WWOX: variants seen among roughly 807,000 people sequenced by gnomAD.
The protein encoded by WWOX is WW domain-containing oxidoreductase.
WWOX carries 69 observed loss-of-function variants against 46.2 expected under a neutral mutation model. The ratio of observed to expected loss-of-function variants is 1.49; its 90% CI spans 1.23 to 1.82. WWOX has a LOEUF of 1.82. Ranked by LOEUF, WWOX falls within the 40% of genes most tolerant of loss-of-function variation. The pLI is 0.00. For missense variants in WWOX, 919 were observed against 542.6 expected (o/e 1.69, Z -6.89); for synonymous variants, 359 against 202.6 (o/e 1.77, Z -6.56).
At chr16:78,887,807 T>C (rs1158037095) in intron 8 of WWOX, among the ~76,000 whole-genome samples, 1 of 152,234 alleles carries the variant, frequency 6.6e-6, no homozygotes, top group Non-Finnish European at 1.5e-5. Flanking sequence ...TTAAGAGTTT[T>C]GCTGAGTGAG....
chr16:78,986,021 A>G (rs534602168), intron 8 of WWOX, among the ~76,000 whole-genome samples: 25 of 152,332 alleles, frequency 1.6e-4, no homozygotes, highest in Non-Finnish European at 3.1e-4. Context: ...GAGGAGGGGC[A>G]TCCCAGGGTC....
At chr16:78,505,998 A>C (rs2085193750) in intron 8 of WWOX, among the ~76,000 whole-genome samples, 1 of 152,194 alleles carries the variant, frequency 6.6e-6, no homozygotes, top group Non-Finnish European at 1.5e-5. Context: ...GCAAGAAGAC[A>C]CACCATTCCC....
chr16:78,896,764 T>C (rs892402414), intron 8 of WWOX: 6 of 152,126 alleles, frequency 3.9e-5, no homozygotes, highest in Admixed American at 3.9e-4. Flanking sequence ...AGTGTGTGTG[T>C]GTGTGAGAGA....
intron 8 of WWOX, among the ~76,000 whole-genome samples, chr16:78,567,353 G>T (rs1456011132): frequency 6.6e-6 from 1 of 151,506 alleles, no homozygotes; most frequent in African/African-American, 2.4e-5. Flanking sequence ...AGACCATCCT[G>T]GTTAACACCG....
At chr16:79,152,633 T>C (rs886188703) in intron 8 of WWOX, among the ~76,000 whole-genome samples, 2 of 150,528 alleles carry the variant, frequency 1.3e-5, no homozygotes, top group Non-Finnish European at 3.0e-5. Context: ...ATCACGCCAC[T>C]GCACTCCAGC....
chr16:79,003,961 C>T (rs1356636118), intron 8 of WWOX, among the ~76,000 whole-genome samples: 1 of 152,144 alleles, frequency 6.6e-6, no homozygotes, highest in Non-Finnish European at 1.5e-5. Context: ...TTGCCCTTCC[C>T]TTTGCCAAGA....
In WWOX at chr16:78,651,504, C is replaced by G. The variant is rs372844369; in HGVS notation, c.1056+218752C>G. ...TTGTTAAAATGGTATCAAAGATGGG[C>G]TGGCATGAGGCCAGAGTCTATCCTT... On this transcript the variant is annotated intron_variant, in intron 8 of 8. Coordinates refer to ENST00000566780, the MANE Select transcript of WWOX (RefSeq NM_016373.4). 1.0e-3 allele frequency among the ~76,000 whole-genome samples: 159 copies of G among 152,324 alleles called. 1 individual carries two copies. The highest frequency in any genetic ancestry group is 3.6e-3 in the African/African-American group (150 of 41,582).
rs755134758 is a variant in WWOX, at chr16:78,912,594, G to A, written c.1057-299014G>A. Among the ~76,000 whole-genome samples, 99 of 152,048 alleles carry A rather than the reference G, an allele frequency of 6.5e-4. 1 individual carries two copies. The highest frequency in any genetic ancestry group is 1.2e-3 in the Non-Finnish European group (80 of 68,012). ...TATATCCCCAGCACTGTAATTTAGT[G>A]TGGCAGTCAGGGGAAAACACCTTGT... On this transcript the variant is annotated intron_variant, in intron 8 of 8. Transcript: ENST00000566780.
intron 8 of WWOX, among the ~76,000 whole-genome samples, chr16:78,611,427 C>T (rs1245420853): frequency 6.6e-6 from 1 of 152,126 alleles, no homozygotes; most frequent in East Asian, 1.9e-4. Context: ...TAAGGGAATT[C>T]TTTGGTGCAT....
chr16:78,915,456 T>C (rs2045226204), intron 8 of WWOX, among the ~76,000 whole-genome samples: 1 of 152,206 alleles, frequency 6.6e-6, no homozygotes, highest in Non-Finnish European at 1.5e-5. Flanking sequence ...ACTTGATTGT[T>C]AGTAATGACT....
In WWOX at chr16:78,675,234, C is replaced by T. The variant is rs113935829; in HGVS notation, c.1056+242482C>T. 5.9e-5 allele frequency among the ~76,000 whole-genome samples: 9 copies of T among 152,046 alleles called. 1 individual carries two copies. Among genetic ancestry groups the T allele is most frequent in the African/African-American group, 1.9e-4 (8 of 41,468 alleles). ...GAGGTGAGTGACTCACTCAAGATCA[C>T]GTGGAATCAAGCAGAGAAGCTGGGG... On this transcript the variant is annotated intron_variant, in intron 8 of 8. Transcript: ENST00000566780.
intron 6 of WWOX, among the ~76,000 whole-genome samples, chr16:78,421,019 G>A (rs746209164): frequency 6.6e-6 from 1 of 152,044 alleles, no homozygotes; most frequent in Non-Finnish European, 1.5e-5. Context: ...TCTGTTGTTG[G>A]ATGTTAGATT....
At chr16:78,126,301 C>T (rs148409717) in intron 4 of WWOX, among the ~76,000 whole-genome samples, 2,819 of 152,254 alleles carry the variant, frequency 0.019, 71 homozygotes, top group African/African-American at 0.051. Flanking sequence ...TGCTCCCCAA[C>T]CTTAATATCT....
chr16:78,207,438 T>C (rs1306981941), intron 5 of WWOX, among the ~76,000 whole-genome samples: 1 of 152,090 alleles, frequency 6.6e-6, no homozygotes, highest in East Asian at 1.9e-4. Context: ...TCTACCAACA[T>C]TATCTAAGAG....
intron 8 of WWOX, among the ~76,000 whole-genome samples, chr16:79,061,744 C>A (rs186471961): frequency 6.6e-6 from 1 of 152,142 alleles, no homozygotes; most frequent in Admixed American, 6.5e-5. Context: ...CTCTTAGAGT[C>A]GTTAAGGTTT....
At chr16:78,618,215 C>A (rs151112375) in intron 8 of WWOX, among the ~76,000 whole-genome samples, 1 of 152,194 alleles carries the variant, frequency 6.6e-6, no homozygotes, top group African/African-American at 2.4e-5. Context: ...TGCTCTCCAA[C>A]CTCTGTCCAT....
intron 8 of WWOX, among the ~76,000 whole-genome samples, chr16:78,698,217 G>C (rs1362919232): frequency 1.3e-5 from 2 of 152,166 alleles, no homozygotes; most frequent in African/African-American, 4.8e-5. Flanking sequence ...CACAGATGGA[G>C]TTTGGATTCG....
intron 8 of WWOX, among the ~76,000 whole-genome samples, chr16:78,582,427 T>C (rs1026971610): frequency 6.6e-6 from 1 of 152,222 alleles, no homozygotes; most frequent in Non-Finnish European, 1.5e-5. Context: ...TGTAGAGATT[T>C]AGTTTTTCAA....
At chr16:78,374,916 C>A (rs1597123477) in intron 5 of WWOX, among the ~76,000 whole-genome samples, 1 of 152,006 alleles carries the variant, frequency 6.6e-6, no homozygotes, top group Non-Finnish European at 1.5e-5. Context: ...AAACTGTTGA[C>A]CTTAGGTGAT....
Sources: allele counts gnomAD v4.1 joint callset (sites outside exome capture counted in the v4.1 genomes callset), GRCh38; gene constraint gnomAD v4.1.1; transcripts MANE v1.5; gene names NCBI Gene and HGNC (gene_info 2026-07-23, HGNC 2026-07-21).